Variants in MECOM observed in about 807,000 individuals in gnomAD.
MECOM encodes the protein MDS1 and EVI1 complex locus.
Under a neutral mutation model 116.3 loss-of-function variants are expected in MECOM, and 13 were observed. The ratio of observed to expected loss-of-function variants is 0.11; its 90% CI spans 0.07 to 0.18. The LOEUF (loss-of-function observed/expected upper bound fraction) is 0.18, where lower values mean the gene tolerates loss of function less well. Among genes scored for constraint, MECOM ranks in the 10% least tolerant of loss-of-function variants. The pLI is 1.00. For missense variants in MECOM, 1,299 were observed against 1,509.0 expected (o/e 0.86, Z 2.31); for synonymous variants, 528 against 535.2 (o/e 0.99, Z 0.19).
intron 1 of MECOM, among the ~76,000 whole-genome samples, chr3:169,570,695 C>A (rs567765813): frequency 6.6e-6 from 1 of 152,298 alleles, no homozygotes; most frequent in South Asian, 2.1e-4. Flanking sequence ...ATATGCAAAT[C>A]TATAAACATA....
intron 1 of MECOM, among the ~76,000 whole-genome samples, chr3:169,540,754 A>G (rs1183846333): frequency 6.6e-6 from 1 of 152,144 alleles, no homozygotes; most frequent in Non-Finnish European, 1.5e-5. Context: ...TGCACATTTC[A>G]TGTTCTTTCA....
chr3:169,141,753 T>A (rs554534803), intron 3 of MECOM, among the ~76,000 whole-genome samples: 1 of 152,136 alleles, frequency 6.6e-6, no homozygotes, highest in East Asian at 1.9e-4. Context: ...AATCTGACTT[T>A]TACCTCTGAC....
intron 1 of MECOM, among the ~76,000 whole-genome samples, chr3:169,512,514 C>T (rs1756101286): frequency 6.6e-6 from 1 of 152,206 alleles, no homozygotes; most frequent in African/African-American, 2.4e-5. Flanking sequence ...ATAGAAGAAA[C>T]ACCGTTCTCC....
chr3:169,312,057 T>C lies in MECOM; in HGVS notation c.375+69130A>G, dbSNP rs77355780. On this transcript the variant is annotated intron_variant, in intron 2 of 16. Transcript: ENST00000651503. ...ACCACGCGGGGCTTTGTGAGCACGGTAGGAACTTTGCATTTGACTCTGAGT... is the reference window on the plus strand; with the variant it reads ...ACCACGCGGGGCTTTGTGAGCACGGCAGGAACTTTGCATTTGACTCTGAGT... Among the ~76,000 whole-genome samples the C allele has an allele frequency of 7.9e-5, 12 of 152,216 alleles. No homozygotes were observed. In the East Asian group the frequency reaches 1.9e-3, roughly 25 times the overall value.
intron 2 of MECOM, among the ~76,000 whole-genome samples, chr3:169,378,510 AAAGAAAAG>A (rs1213812034): frequency 3.2e-5 from 1 of 30,782 alleles, no homozygotes; most frequent in Non-Finnish European, 5.7e-5. Flanking sequence ...AGAAAGAAAG[AAAGAAAAG>A]AAAGAAAGAA....
At chr3:169,450,593 A>T (rs1745392504) in intron 1 of MECOM, among the ~76,000 whole-genome samples, 1 of 151,984 alleles carries the variant, frequency 6.6e-6, no homozygotes, top group South Asian at 2.1e-4. Context: ...AAAAAAAAAA[A>T]ATGATGACAA....
At chr3:169,301,431 G>C (rs961531161) in intron 2 of MECOM, among the ~76,000 whole-genome samples, 1 of 152,140 alleles carries the variant, frequency 6.6e-6, no homozygotes, top group Non-Finnish European at 1.5e-5. Flanking sequence ...CAGAAAATAA[G>C]CACTAGCAGT....
intron 7 of MECOM, chr3:169,120,788 A>C: frequency 3.6e-6 from 1 of 274,886 alleles, no homozygotes; most frequent in Non-Finnish European, 6.8e-6. Flanking sequence ...CAACCTGTGG[A>C]GGTTTCCCTT....
intron 1 of MECOM, among the ~76,000 whole-genome samples, chr3:169,460,265 T>C (rs1306227553): frequency 6.6e-6 from 1 of 151,886 alleles, no homozygotes; most frequent in Non-Finnish European, 1.5e-5. Context: ...AAACAAATAG[T>C]GAATGGGCCC....
chr3:169,614,271 G>A (rs1769699233), intron 1 of MECOM, among the ~76,000 whole-genome samples: 1 of 151,102 alleles, frequency 6.6e-6, no homozygotes. Context: ...AGATCACTGA[G>A]GATGCCTGTC....
At chr3:169,250,709 T>C (rs539353085) in intron 2 of MECOM, among the ~76,000 whole-genome samples, 1 of 152,196 alleles carries the variant, frequency 6.6e-6, no homozygotes, top group Non-Finnish European at 1.5e-5. Context: ...AAATTCAATT[T>C]GAGTATGCAT....
intron 1 of MECOM, among the ~76,000 whole-genome samples, chr3:169,471,158 A>T (rs931469334): frequency 1.3e-5 from 2 of 151,662 alleles, no homozygotes; most frequent in Non-Finnish European, 2.9e-5. Context: ...TGCCCGTCTG[A>T]TTTTTTGTAT....
intron 2 of MECOM, among the ~76,000 whole-genome samples, chr3:169,272,728 C>T (rs1759105248): frequency 6.6e-6 from 1 of 152,122 alleles, no homozygotes; most frequent in African/African-American, 2.4e-5. Flanking sequence ...GCCCCTGTGA[C>T]CTTCAAAAGT....
chr3:169,604,791 A>G (rs927141071), intron 1 of MECOM, among the ~76,000 whole-genome samples: 2 of 152,216 alleles, frequency 1.3e-5, no homozygotes, highest in Non-Finnish European at 2.9e-5. Context: ...AAGTTGACAG[A>G]GAACAGAAAA....
In MECOM at chr3:169,188,449, C is replaced by G. The variant is rs191425016; in HGVS notation, c.376-44617G>C. Among the ~76,000 whole-genome samples, 38 of 152,066 alleles carry G rather than the reference C, an allele frequency of 2.5e-4. No individual in the cohort carries two copies. The East Asian group carries it at 7.1e-3, about 29-fold the overall frequency. The stretch of plus-strand genomic sequence containing the variant: ...AGAGAATTAAGGAAGAAAACAAGGT[C>G]AATTTGACCTTTTGTGTAGCTTTTT... On this transcript the variant is annotated intron_variant, in intron 2 of 16. Coordinates refer to ENST00000651503, the MANE Select transcript of MECOM (RefSeq NM_004991.4).
At chr3:169,660,633 G>A (rs536049976) in intron 1 of MECOM, among the ~76,000 whole-genome samples, 5 of 152,114 alleles carry the variant, frequency 3.3e-5, no homozygotes, top group Non-Finnish European at 7.4e-5. Flanking sequence ...AATAAAGGTA[G>A]TTTTGTTTTT....
At chr3:169,313,725 G>T (rs1719221596) in intron 2 of MECOM, among the ~76,000 whole-genome samples, 1 of 152,180 alleles carries the variant, frequency 6.6e-6, no homozygotes, top group African/African-American at 2.4e-5. Flanking sequence ...AGGTATAGAG[G>T]TTAAGGTAAA....
chr3:169,346,684 C>T (rs1372639826), intron 2 of MECOM, among the ~76,000 whole-genome samples: 2 of 151,796 alleles, frequency 1.3e-5, no homozygotes, highest in Non-Finnish European at 2.9e-5. Flanking sequence ...AAAAGAAATG[C>T]TTAACCTCAC....
intron 2 of MECOM, among the ~76,000 whole-genome samples, chr3:169,204,317 A>C (rs1374608892): frequency 6.6e-6 from 1 of 152,120 alleles, no homozygotes; most frequent in African/African-American, 2.4e-5. Flanking sequence ...CGTTTATAGA[A>C]TTTTGTTCTA....
Sources: gnomAD v4.1 joint callset for allele counts (sites outside exome capture counted in the v4.1 genomes callset) on GRCh38, gnomAD v4.1.1 for gene constraint, MANE v1.5 for transcripts, NCBI Gene and HGNC (gene_info 2026-07-23, HGNC 2026-07-21) for gene names.